The following EIF4H variants were observed in gnomAD, a reference collection of about 807,000 sequenced individuals.
EIF4H encodes the protein Williams-Beuren syndrome chromosome region 1.
Under a neutral mutation model 30.6 loss-of-function variants are expected in EIF4H, and 8 were observed. The ratio of observed to expected loss-of-function variants is 0.26; its 90% CI spans 0.15 to 0.47. The LOEUF (loss-of-function observed/expected upper bound fraction) is 0.47, where lower values mean the gene tolerates loss of function less well. Ranked by LOEUF, EIF4H falls within the 20% of genes least tolerant of loss-of-function variation. The pLI, the probability that EIF4H is intolerant of heterozygous loss-of-function variation, is 0.99. For synonymous variants in EIF4H, 106 were observed against 122.7 expected, an observed-to-expected ratio of 0.86 and a Z score of 0.90; for missense variants, 188 against 339.5, an observed-to-expected ratio of 0.55 and a Z score of 3.51.
At chr7:74,183,742 T>TATGTG (rs368665451) in intron 1 of EIF4H, 10 of 152,162 alleles carry the variant, frequency 6.6e-5, no homozygotes, top group African/African-American at 9.7e-5. Flanking sequence ...TGTGTCATCC[T>TATGTG]ATGTGATGTG....
chr7:74,179,030 C>CA (rs1800900582), intron 1 of EIF4H, among the ~76,000 whole-genome samples: 1 of 152,022 alleles, frequency 6.6e-6, no homozygotes, highest in Non-Finnish European at 1.5e-5. Flanking sequence ...CATGTATACT[C>CA]ACATTTTTGG....
intron 1 of EIF4H, among the ~76,000 whole-genome samples, chr7:74,182,489 CCAGT>C (rs1800985116): frequency 6.6e-6 from 1 of 152,212 alleles, no homozygotes. Context: ...TGGCGTCCGG[CCAGT>C]CATTTTCTTT....
chr7:74,187,228 G>T (rs1032197345), intron 1 of EIF4H, among the ~76,000 whole-genome samples: 4 of 152,184 alleles, frequency 2.6e-5, no homozygotes, highest in Admixed American at 2.6e-4. Context: ...TCAGAAGTTG[G>T]AGACCAGCCT....
intron 1 of EIF4H, 148 bp from the exon 2 acceptor site, chr7:74,187,463 T>G: frequency 1.3e-6 from 1 of 784,952 alleles, no homozygotes; most frequent in Non-Finnish European, 1.8e-6. Context: ...TTTTTGTTTC[T>G]CCAGCCATTC....
intron 1 of EIF4H, among the ~76,000 whole-genome samples, chr7:74,183,295 G>T (rs1801006696): frequency 6.6e-6 from 1 of 152,172 alleles, no homozygotes; most frequent in Non-Finnish European, 1.5e-5. Context: ...CACAGACCTT[G>T]ACTTCAGGTG....
chr7:74,190,195 C>T (rs1159496438), intron 4 of EIF4H, 52 bp from the exon 5 acceptor site: 18 of 1,555,662 alleles, frequency 1.2e-5, no homozygotes, highest in Middle Eastern at 1.7e-4. Flanking sequence ...TCCATGTTTG[C>T]GCAGCAAGGT....
chr7:74,174,663 C>A (rs1302256033), intron 1 of EIF4H, among the ~76,000 whole-genome samples: 2 of 142,724 alleles, frequency 1.4e-5, no homozygotes, highest in Admixed American at 1.4e-4. Flanking sequence ...CGGATCCCTT[C>A]CACTGCCTCC....
At chr7:74,182,656 C>G (rs559182370) in intron 1 of EIF4H, among the ~76,000 whole-genome samples, 1 of 152,238 alleles carries the variant, frequency 6.6e-6, no homozygotes, top group Admixed American at 6.5e-5. Context: ...CAATCACAGT[C>G]CCAAAGTGCT....
intron 1 of EIF4H, among the ~76,000 whole-genome samples, chr7:74,185,921 AT>A (rs1304179457): frequency 1.3e-5 from 2 of 152,044 alleles, no homozygotes; most frequent in Middle Eastern, 3.2e-3. Context: ...TCAAAAAAAA[AT>A]CACCCCCTTA....
chr7:74,183,542 A>G (rs551727658), intron 1 of EIF4H, among the ~76,000 whole-genome samples: 1 of 152,348 alleles, frequency 6.6e-6, no homozygotes, highest in East Asian at 1.9e-4. Context: ...AAGCTAGCTA[A>G]GGTGTCAAGT....
chr7:74,191,070 G>A (rs965410439), intron 5 of EIF4H: 3 of 444,926 alleles, frequency 6.7e-6, no homozygotes, highest in East Asian at 6.8e-5. Context: ...CAAAACCGGT[G>A]TAAAGTAGTG....
At chr7:74,179,487 C>G (rs1800909395) in intron 1 of EIF4H, among the ~76,000 whole-genome samples, 1 of 152,122 alleles carries the variant, frequency 6.6e-6, no homozygotes, top group Non-Finnish European at 1.5e-5. Flanking sequence ...CAAAAACTAG[C>G]TGGGCATGGT....
intron 1 of EIF4H, among the ~76,000 whole-genome samples, chr7:74,181,784 G>GATCTC (rs1488455957): frequency 1.1e-4 from 16 of 141,504 alleles, no homozygotes; most frequent in Admixed American, 8.3e-4. Context: ...TCCCAGGCTA[G>GATCTC]AGCTCAGTGG....
At chr7:74,184,389 C>A (rs976706407) in intron 1 of EIF4H, among the ~76,000 whole-genome samples, 1 of 152,010 alleles carries the variant, frequency 6.6e-6, no homozygotes, top group African/African-American at 2.4e-5. Context: ...ATCAAACACC[C>A]GAGAGTTTAT....
chr7:74,192,536 G>A (rs1393648698), intron 5 of EIF4H, among the ~76,000 whole-genome samples: 1 of 152,146 alleles, frequency 6.6e-6, no homozygotes, highest in African/African-American at 2.4e-5. Flanking sequence ...AGGTGATGCA[G>A]TCAGCGCTTA....
At chr7:74,190,945 G>A (rs1462729204) in intron 5 of EIF4H, among the ~76,000 whole-genome samples, 1 of 152,146 alleles carries the variant, frequency 6.6e-6, no homozygotes, top group African/African-American at 2.4e-5. Flanking sequence ...AAAAACTTCA[G>A]TTGTAACCCA....
intron 6 of EIF4H, 22 bp from the exon 7 acceptor site, chr7:74,195,147 A>G (rs1357838715): frequency 3.7e-6 from 6 of 1,612,824 alleles, no homozygotes; most frequent in Non-Finnish European, 5.1e-6. Flanking sequence ...CACTCTGACA[A>G]ACTCTGCTTT....
chr7:74,195,941 C>G lies in EIF4H; in HGVS notation c.*633C>G, dbSNP rs557958107. On this transcript the variant is annotated 3_prime_UTR_variant, in exon 7 of 7. Coordinates refer to ENST00000265753, the MANE Select transcript of EIF4H (RefSeq NM_022170.2). The stretch of plus-strand genomic sequence containing the variant: ...GAGGGAGTCCTGGCTCCATGACCCC[C>G]TCCCGAGTGGACTGTCCAAGCAGAT... 6 of 152,810 alleles carry G rather than the reference C, an allele frequency of 3.9e-5. No homozygotes were observed. In the East Asian group the frequency reaches 1.2e-3, roughly 30 times the overall value. 9.5% of individuals were successfully genotyped at this position (152,810 alleles called of 1,614,324 possible).
At chr7:74,177,696 T>C (rs1563947029) in intron 1 of EIF4H, among the ~76,000 whole-genome samples, 1 of 152,386 alleles carries the variant, frequency 6.6e-6, no homozygotes, top group South Asian at 2.1e-4. Context: ...TCAAGTCGTT[T>C]AGGTTTGTTA....
Sources: allele counts gnomAD v4.1 joint callset (sites outside exome capture counted in the v4.1 genomes callset), GRCh38; gene constraint gnomAD v4.1.1; transcripts MANE v1.5; gene names NCBI Gene and HGNC (gene_info 2026-07-23, HGNC 2026-07-21).